ACO1: variants seen among roughly 807,000 people sequenced by gnomAD.
The protein encoded by ACO1 is aconitase 1.
A neutral mutation model predicts 105.1 loss-of-function variants in ACO1; 78 were observed. The observed-to-expected ratio is 0.74, with a 90% CI of 0.62 to 0.90. The LOEUF (loss-of-function observed/expected upper bound fraction) is 0.90. ACO1 is among the 40% of genes least tolerant of loss of function. ACO1 has a pLI of 0.00. For synonymous variants in ACO1, 364 were observed against 397.4 expected (o/e 0.92, Z 1.00); for missense variants, 965 against 1,111.1 (o/e 0.87, Z 1.87).
chr9:32,390,682 T>C (rs1240189456), intron 1 of ACO1, among the ~76,000 whole-genome samples: 1 of 152,224 alleles, frequency 6.6e-6, no homozygotes, highest in African/African-American at 2.4e-5. Context: ...AAATATGACC[T>C]AGGACCAAGA....
At chr9:32,407,114 G>T (rs1164795434) in intron 2 of ACO1, 147 bp from the exon 3 acceptor site, 11 of 702,452 alleles carry the variant, frequency 1.6e-5, no homozygotes, top group Non-Finnish European at 2.4e-5. Context: ...AAATATCCAT[G>T]TATTTTAAAC....
At chr9:32,390,165 AG>A (rs1821238622) in intron 1 of ACO1, among the ~76,000 whole-genome samples, 2 of 152,190 alleles carry the variant, frequency 1.3e-5, no homozygotes, top group Admixed American at 6.5e-5. Context: ...CTTCATTTGC[AG>A]CTGTATAAAT....
intron 1 of ACO1, among the ~76,000 whole-genome samples, chr9:32,398,344 C>G (rs1468793027): frequency 6.6e-6 from 1 of 152,126 alleles, no homozygotes; most frequent in African/African-American, 2.4e-5. Context: ...CTCTACAAAT[C>G]TAGCTATGAG....
chr9:32,407,024 C>T (rs1055001827), intron 2 of ACO1, among the ~76,000 whole-genome samples: 8 of 152,250 alleles, frequency 5.3e-5, no homozygotes, highest in African/African-American at 7.2e-5. Context: ...CCTCATGATC[C>T]GCCCGCCTCA....
In ACO1 at chr9:32,434,705, A is replaced by G. The variant is rs1822317066; in HGVS notation, c.2099+4A>G. ...CTCGCTACTTAACTAACAGAGGGTA[A>G]GTATGAATGAGGCAGGAAGGACTAA... On this transcript the variant is annotated splice_donor_region_variant and intron_variant, in intron 17 of 20. Coordinates refer to ENST00000309951, the MANE Select transcript of ACO1 (RefSeq NM_002197.3). The G allele has an allele frequency of 9.9e-6, 16 of 1,614,008 alleles. No homozygotes were observed. Among genetic ancestry groups the G allele is most frequent in the Non-Finnish European group, 1.0e-5 (12 of 1,179,848 alleles).
intron 19 of ACO1, 75 bp from the exon 20 acceptor site, chr9:32,448,810 CCAGCTCTCTCA>C: frequency 6.2e-6 from 9 of 1,453,564 alleles, no homozygotes; most frequent in Non-Finnish European, 8.7e-6. Context: ...GGCCATCATG[CCAGCTCTCTCA>C]CAAAGTCTTT....
At chr9:32,428,516 C>G (rs1373471262) in intron 12 of ACO1, among the ~76,000 whole-genome samples, 1 of 150,812 alleles carries the variant, frequency 6.6e-6, no homozygotes, top group Non-Finnish European at 1.5e-5. Flanking sequence ...TTTTAATAAA[C>G]AAAAAGAGTA....
intron 19 of ACO1, among the ~76,000 whole-genome samples, chr9:32,441,693 C>T (rs1188455937): frequency 1.3e-5 from 2 of 152,172 alleles, no homozygotes; most frequent in East Asian, 3.9e-4. Flanking sequence ...GCAGTCAGCA[C>T]TCAGGTAGGG....
chr9:32,432,013 G>T (rs1031154578), intron 15 of ACO1, among the ~76,000 whole-genome samples, 170 bp downstream of exon 15: 1 of 152,030 alleles, frequency 6.6e-6, no homozygotes, highest in Admixed American at 6.5e-5. Flanking sequence ...CCTGTGACTC[G>T]CATTTTTACA....
Position 32,420,901 on chromosome 9 carries a change from G to A in ACO1, c.844G>A (p.Gly282Arg), listed in dbSNP as rs1328936319. ...GVVGKFVEFF[G>R]PGVAQLSIAD... ...AGTGGGCAAATTTGTCGAGTTCTTCGGGCCTGGAGTAGCCCAGTTGTCCAT... is the reference window on the plus strand; with the variant it reads ...AGTGGGCAAATTTGTCGAGTTCTTCAGGCCTGGAGTAGCCCAGTTGTCCAT... Residue 282 changes from glycine (G) to arginine (R), a missense_variant, in exon 8 of 21, where the codon GGG (glycine) becomes AGG (arginine). Transcript: ENST00000309951. The A allele has an allele frequency of 7.4e-6, 12 of 1,613,832 alleles. No homozygotes were observed. In the Admixed American group the frequency reaches 1.0e-4, roughly 13 times the overall value.
At chr9:32,386,989 A>G (rs1160702857) in intron 1 of ACO1, among the ~76,000 whole-genome samples, 1 of 152,218 alleles carries the variant, frequency 6.6e-6, no homozygotes. Flanking sequence ...TGTGAAGAGC[A>G]GTACCCCCTA....
rs1385052835 is a variant in ACO1, at chr9:32,452,059, C to T, written c.*1948C>T. ...CGCCTGGGCTACAAGAGCAAAGCTC[C>T]GTCTCAAAAAAAAAAAAAAATTACA... On this transcript the variant is annotated 3_prime_UTR_variant, in exon 21 of 21. Transcript: ENST00000309951. 1.5e-5 allele frequency: 2 copies of T among 129,942 alleles called. No homozygotes were observed. The highest frequency in any genetic ancestry group is 2.1e-4 in the East Asian group (1 of 4,718). The allele number at this position is 129,942 out of a possible 1,614,324, so 8.0% of individuals were successfully genotyped here. A position where few individuals can be genotyped will look rare whatever the true frequency, so the allele number is the denominator to read the frequency against.
Position 32,454,276 on chromosome 9 carries a change from G to A in ACO1, c.*4165G>A, listed in dbSNP as rs983151178. Reference sequence around the variant, plus strand: ...AGACTGCTTTCTTCTGGGCGTTCACGCACTGTGCTCCACAGGATACTCTTG... The same window carrying A: ...AGACTGCTTTCTTCTGGGCGTTCACACACTGTGCTCCACAGGATACTCTTG... On this transcript the variant is annotated 3_prime_UTR_variant, in exon 21 of 21. Transcript: ENST00000309951. 1 of 152,234 alleles carries A rather than the reference G, an allele frequency of 6.6e-6. No homozygotes were observed. Among genetic ancestry groups the A allele is most frequent in the Non-Finnish European group, 1.5e-5 (1 of 68,046 alleles). The allele number at this position is 152,234 out of a possible 1,614,324, so 9.4% of individuals were successfully genotyped here. A position where few individuals can be genotyped will look rare whatever the true frequency, so the allele number is the denominator to read the frequency against.
chr9:32,389,618 TTGACTGGCACCATCAGC>T (rs1381754470), intron 1 of ACO1, among the ~76,000 whole-genome samples: 2 of 152,010 alleles, frequency 1.3e-5, no homozygotes, highest in Non-Finnish European at 2.9e-5. Context: ...CTCACTTCAG[TTGACTGGCACCATCAGC>T]TGACCGTCTC....
intron 19 of ACO1, among the ~76,000 whole-genome samples, chr9:32,440,908 G>C (rs1228330341): frequency 2.0e-5 from 3 of 152,122 alleles, no homozygotes; most frequent in Non-Finnish European, 4.4e-5. Flanking sequence ...GGGGAGAGGT[G>C]TCATGGCTTT....
intron 4 of ACO1, among the ~76,000 whole-genome samples, chr9:32,413,745 T>A (rs1298865460): frequency 6.6e-6 from 1 of 152,204 alleles, no homozygotes; most frequent in Admixed American, 6.5e-5. Context: ...TTTGCCTAGT[T>A]TGAATAATAC....
At chr9:32,397,794 A>G (rs1821403167) in intron 1 of ACO1, among the ~76,000 whole-genome samples, 1 of 152,196 alleles carries the variant, frequency 6.6e-6, no homozygotes, top group African/African-American at 2.4e-5. Context: ...AGGAAAACAG[A>G]AGGGCAAACC....
At chr9:32,412,962 A>G (rs952236514) in intron 4 of ACO1, among the ~76,000 whole-genome samples, 4 of 152,148 alleles carry the variant, frequency 2.6e-5, no homozygotes, top group Non-Finnish European at 5.9e-5. Flanking sequence ...CTATTGACTC[A>G]AAATTCAAAG....
rs1770950264 is a variant in ACO1, at chr9:32,439,018, A to G, written c.2248-1447A>G. On this transcript the variant is annotated intron_variant, in intron 18 of 20. Transcript: ENST00000309951. This position sits in a 1 kb window ranked among gnomAD's most constrained non-coding sequence, Gnocchi z 4.0. ...TTTAGAAGAGCGTAAGAGTGCAGGG[A>G]GCTGTTGCTTTCTAAGCTGTCAGTG... is the stretch of plus-strand genomic sequence containing the variant. Among the ~76,000 whole-genome samples, 1 of 152,210 alleles carries G rather than the reference A, an allele frequency of 6.6e-6. No individual in the cohort carries two copies. The highest frequency in any genetic ancestry group is 6.5e-5 in the Admixed American group (1 of 15,286).
Sources: allele counts gnomAD v4.1 joint callset (sites outside exome capture counted in the v4.1 genomes callset), GRCh38; gene constraint gnomAD v4.1.1; non-coding constraint Gnocchi (gnomAD v3.1); transcripts MANE v1.5; gene names NCBI Gene and HGNC (gene_info 2026-07-23, HGNC 2026-07-21).